Variants in ADGRV1 observed in about 807,000 individuals in gnomAD.
ADGRV1 encodes the protein adhesion G protein-coupled receptor V1, also known as G-protein coupled receptor 98.
Under a neutral mutation model 596.2 loss-of-function variants are expected in ADGRV1, and 359 were observed. The observed-to-expected ratio is 0.60, with a 90% CI of 0.55 to 0.66. The LOEUF (loss-of-function observed/expected upper bound fraction) is 0.66. ADGRV1 is among the 30% of genes least tolerant of loss of function. The pLI is 0.00. For synonymous variants in ADGRV1, 2,681 were observed against 2,679.2 expected (o/e 1.00, Z -0.02); for missense variants, 7,274 against 7,575.6 (o/e 0.96, Z 1.48).
intron 83 of ADGRV1, among the ~76,000 whole-genome samples, chr5:90,864,577 G>A (rs1767912585): frequency 6.6e-6 from 1 of 152,076 alleles, no homozygotes. Flanking sequence ...TTCTCTGAAG[G>A]TCAAGAAAGT....
intron 85 of ADGRV1, among the ~76,000 whole-genome samples, chr5:91,011,753 G>A (rs1307400223): frequency 3.3e-5 from 5 of 151,034 alleles, no homozygotes; most frequent in Non-Finnish European, 7.4e-5. Context: ...ATAAGGCCAG[G>A]GGGGAAAAAA....
rs140911567 is a variant in ADGRV1, at chr5:91,102,200, C to CTTTT, written c.18311-12_18311-9dup. 1 of 1,339,912 alleles carries CTTTT rather than the reference C, an allele frequency of 7.5e-7. No homozygotes were observed. The highest frequency in any genetic ancestry group is 2.1e-5 in the Admixed American group (1 of 48,336). The allele number at this position is 1,339,912 out of a possible 1,614,324, so 83.0% of individuals were successfully genotyped here. On this transcript the variant is annotated intron_variant, in intron 86 of 89. Coordinates refer to ENST00000405460, the MANE Select transcript of ADGRV1 (RefSeq NM_032119.4). Reference sequence around the variant, plus strand: ...TGCAGTATTCTGAAGCTCAAAAATTCTTTTTTTTTTATTTCTAGAAATTCC... The same window carrying CTTTT: ...TGCAGTATTCTGAAGCTCAAAAATTCTTTTTTTTTTTTTTATTTCTAGAAATTCC...
intron 83 of ADGRV1, among the ~76,000 whole-genome samples, chr5:90,872,383 T>C (rs1561877333): frequency 6.6e-6 from 1 of 151,798 alleles, no homozygotes; most frequent in Non-Finnish European, 1.5e-5. Context: ...ATATATATAA[T>C]ATGCTTGCCT....
In ADGRV1 at chr5:90,810,978, A is replaced by T. The variant is rs917484320; in HGVS notation, c.15718A>T (p.Thr5240Ser). ...EEEMKNGTFN[T>S]AEVLIRRTGG... Reference sequence around the variant, plus strand: ...GGAGATGAAGAATGGCACATTCAACACTGCAGAAGTTCTTATCCGAAGAAC... The same window carrying T: ...GGAGATGAAGAATGGCACATTCAACTCTGCAGAAGTTCTTATCCGAAGAAC... The change falls in exon 74 of 90, where the codon ACT (threonine) becomes TCT (serine). Residue 5240 changes from threonine to serine, a missense_variant. By Grantham distance (58) the Thr-to-Ser change is moderately conservative. This residue lies in a region of ADGRV1 where 1,874 missense variants were observed against 1,970.2 expected (regional missense o/e 0.95). Coordinates refer to ENST00000405460, the MANE Select transcript of ADGRV1 (RefSeq NM_032119.4). 6.2e-7 allele frequency: 1 copy of T among 1,613,890 alleles called. No individual in the cohort carries two copies. Among genetic ancestry groups the T allele is most frequent in the African/African-American group, 1.3e-5 (1 of 74,928 alleles).
At chr5:90,727,059 G>A (rs181414917) in intron 48 of ADGRV1, among the ~76,000 whole-genome samples, 2 of 152,234 alleles carry the variant, frequency 1.3e-5, no homozygotes, top group East Asian at 3.9e-4. Flanking sequence ...GCTTAGGACA[G>A]AATCCTGGGA....
intron 85 of ADGRV1, among the ~76,000 whole-genome samples, chr5:91,027,722 A>G (rs939867938): frequency 1.3e-5 from 2 of 152,190 alleles, no homozygotes; most frequent in African/African-American, 4.8e-5. Flanking sequence ...AAAGCTTAGC[A>G]TTGTTTGAGT....
rs147494545 is a variant in ADGRV1, at chr5:91,061,899, A to G, written c.18153-10548A>G. 4.6e-3 allele frequency among the ~76,000 whole-genome samples: 702 copies of G among 152,230 alleles called. 3 individuals carry two copies. Among genetic ancestry groups the G allele is most frequent in the Non-Finnish European group, 7.8e-3 (532 of 68,006 alleles). On this transcript the variant is annotated intron_variant, in intron 85 of 89. Transcript: ENST00000405460. ...TGTTCACTCCCTTTTTCTCTCTATC[A>G]CTTGCTCACTAGCTATGTTTTAACT...
intron 86 of ADGRV1, among the ~76,000 whole-genome samples, chr5:91,082,108 ATGT>A (rs1219563526): frequency 2.6e-5 from 4 of 152,322 alleles, no homozygotes; most frequent in Non-Finnish European, 2.9e-5. Flanking sequence ...GGTAACAAAG[ATGT>A]TGTTGTTTAG....
intron 76 of ADGRV1, among the ~76,000 whole-genome samples, chr5:90,824,008 G>A (rs955383742): frequency 3.9e-5 from 6 of 152,112 alleles, no homozygotes; most frequent in African/African-American, 1.2e-4. Flanking sequence ...TAAAAGACAT[G>A]TCGATATGCT....
intron 85 of ADGRV1, among the ~76,000 whole-genome samples, chr5:91,018,985 G>A (rs1223427420): frequency 6.6e-6 from 1 of 151,922 alleles, no homozygotes; most frequent in African/African-American, 2.4e-5. Context: ...ATAATGGCTG[G>A]TGGCTTCAGG....
At chr5:90,863,635 G>C (rs1018970820) in intron 82 of ADGRV1, 122 bp from the exon 83 acceptor site, 2 of 730,404 alleles carry the variant, frequency 2.7e-6, no homozygotes, top group East Asian at 5.1e-5. Flanking sequence ...CTTTTCCAGA[G>C]GTACTGGGCA....
intron 83 of ADGRV1, among the ~76,000 whole-genome samples, chr5:90,902,884 A>G (rs4464729): frequency 0.055 from 8,409 of 152,178 alleles, 406 homozygotes; most frequent in East Asian, 0.22. Flanking sequence ...TGCCTTTGCC[A>G]TTCTGCCACA....
intron 85 of ADGRV1, among the ~76,000 whole-genome samples, chr5:91,014,018 G>A (rs1394066235): frequency 6.6e-6 from 1 of 151,670 alleles, no homozygotes; most frequent in East Asian, 1.9e-4. Context: ...ATGATCCTAG[G>A]TATGTGGCCT....
chr5:90,743,172 A>G (rs908290986), intron 50 of ADGRV1, among the ~76,000 whole-genome samples: 1 of 152,184 alleles, frequency 6.6e-6, no homozygotes, highest in African/African-American at 2.4e-5. Context: ...ATGCCCCTGA[A>G]TTAATTTTTT....
chr5:90,850,518 G>A (rs1328436358), intron 79 of ADGRV1, among the ~76,000 whole-genome samples: 8 of 152,190 alleles, frequency 5.3e-5, no homozygotes, highest in Non-Finnish European at 4.4e-5. Flanking sequence ...TTTGCACTAA[G>A]TGAGGCCACA....
Position 90,720,140 on chromosome 5 carries a change from A to G in ADGRV1, c.9540A>G (p.Leu3180=). ...TTAATCCAACTGGAGGTGCTAGACT[A>G]GGGGTGCATGTTCAAACCCTGATAA... ...TLFNPTGGAR[L]GVHVQTLITV... Residue 3180 remains leucine, a synonymous_variant, in exon 44 of 90, where the codon CTA becomes CTG. Coordinates refer to ENST00000405460, the MANE Select transcript of ADGRV1 (RefSeq NM_032119.4). The G allele has an allele frequency of 6.2e-7, 1 of 1,613,548 alleles. No homozygotes were observed. The highest frequency in any genetic ancestry group is 8.5e-7 in the Non-Finnish European group (1 of 1,179,582).
intron 82 of ADGRV1, among the ~76,000 whole-genome samples, chr5:90,858,166 C>A (rs1767206531): frequency 6.6e-6 from 1 of 152,160 alleles, no homozygotes; most frequent in African/African-American, 2.4e-5. Context: ...TAAGATCATT[C>A]CTTGAGGTTA....
In ADGRV1 at chr5:91,163,830, A is replaced by T; in HGVS notation, c.18851A>T (p.Glu6284Val). The T allele has an allele frequency of 6.2e-7, 1 of 1,606,492 alleles. No individual in the cohort carries two copies. Among genetic ancestry groups the T allele is most frequent in the African/African-American group, 1.3e-5 (1 of 74,866 alleles). Residue 6284 changes from glutamate (E) to valine (V), a missense_variant, in exon 90 of 90, where the codon GAG becomes GTG. Physicochemically the swap from Glu to Val is moderately radical, Grantham distance 121 (BLOSUM62 -2). Transcript: ENST00000405460. ...AATGAATCTGGTCAAGGCAGCCAGG[A>T]GGGGGGCACCTTGACTGACTCCCAG... ...SDNESGQGSQ[E>V]GGTLTDSQIV...
At chr5:90,697,227 G>A in intron 34 of ADGRV1, 81 bp downstream of exon 34, 1 of 1,275,930 alleles carries the variant, frequency 7.8e-7, no homozygotes. Flanking sequence ...AAACTTGATA[G>A]TTTTTCCCTT....
Sources: allele counts gnomAD v4.1 joint callset (sites outside exome capture counted in the v4.1 genomes callset), GRCh38; gene constraint gnomAD v4.1.1; regional missense constraint gnomAD v4.1.1; transcripts MANE v1.5; gene names NCBI Gene and HGNC (gene_info 2026-07-23, HGNC 2026-07-21).